Variants in VAV3 observed in about 807,000 individuals in gnomAD.
The protein encoded by VAV3 is guanine nucleotide exchange factor VAV3.
VAV3 carries 94 observed loss-of-function variants against 131.2 expected under a neutral mutation model. The ratio of observed to expected loss-of-function variants is 0.72; its 90% CI spans 0.61 to 0.85. The LOEUF (loss-of-function observed/expected upper bound fraction) is 0.85, where lower values mean the gene tolerates loss of function less well. VAV3 is among the 40% of genes least tolerant of loss of function. VAV3 has a pLI of 0.00. For synonymous variants in VAV3, 349 were observed against 342.0 expected, an observed-to-expected ratio of 1.02 and a Z score of -0.22; for missense variants, 939 against 1,002.7, an observed-to-expected ratio of 0.94 and a Z score of 0.86.
intron 2 of VAV3, among the ~76,000 whole-genome samples, chr1:107,844,458 C>A (rs573155107): frequency 1.1e-4 from 16 of 152,256 alleles, no homozygotes; most frequent in Non-Finnish European, 1.5e-4. Flanking sequence ...TCCTGGAACA[C>A]CAGCGAGACG....
intron 15 of VAV3, among the ~76,000 whole-genome samples, chr1:107,743,856 A>C (rs935523291): frequency 3.9e-5 from 6 of 152,198 alleles, no homozygotes; most frequent in African/African-American, 1.4e-4. Flanking sequence ...TAATACTTGG[A>C]AACACTGTTC....
intron 2 of VAV3, among the ~76,000 whole-genome samples, chr1:107,816,106 G>A (rs561666952): frequency 1.2e-4 from 19 of 152,266 alleles, no homozygotes; most frequent in South Asian, 2.1e-4. Flanking sequence ...TGTGTGGCCT[G>A]GTTCCTAACA....
intron 19 of VAV3, among the ~76,000 whole-genome samples, chr1:107,646,474 A>G (rs1262858468): frequency 6.6e-6 from 1 of 152,082 alleles, no homozygotes; most frequent in Non-Finnish European, 1.5e-5. Flanking sequence ...CACCATATGT[A>G]TTTGGGCAAT....
At chr1:107,910,224 A>G (rs1405025486) in intron 1 of VAV3, among the ~76,000 whole-genome samples, 1 of 152,180 alleles carries the variant, frequency 6.6e-6, no homozygotes, top group Admixed American at 6.5e-5. Flanking sequence ...CCTTACCAAT[A>G]CCCAATCTAA....
intron 19 of VAV3, among the ~76,000 whole-genome samples, chr1:107,655,244 C>T (rs1203186921): frequency 6.6e-6 from 1 of 151,978 alleles, no homozygotes. Context: ...CTATAGTAGC[C>T]AAATCAGCAT....
At chr1:107,721,868 C>G (rs1398329321) in intron 15 of VAV3, among the ~76,000 whole-genome samples, 1 of 152,176 alleles carries the variant, frequency 6.6e-6, no homozygotes, top group African/African-American at 2.4e-5. Context: ...GTGTCTTCAC[C>G]TTACAATATG....
chr1:107,935,789 G>C (rs1012478501), intron 1 of VAV3, among the ~76,000 whole-genome samples: 1 of 152,144 alleles, frequency 6.6e-6, no homozygotes, highest in Admixed American at 6.5e-5. Context: ...GTATTTTGCA[G>C]AGAAATAGGA....
chr1:107,633,406 T>C (rs192181545), intron 20 of VAV3, among the ~76,000 whole-genome samples: 45 of 152,234 alleles, frequency 3.0e-4, no homozygotes, highest in African/African-American at 1.0e-3. Flanking sequence ...CGCACCAAGA[T>C]CTTCAACATT....
chr1:107,821,408 C>T (rs910401621), intron 2 of VAV3, among the ~76,000 whole-genome samples: 4 of 152,068 alleles, frequency 2.6e-5, no homozygotes, highest in African/African-American at 9.7e-5. Flanking sequence ...TGGTGCTGGG[C>T]CAATGAAGGA....
At chr1:107,893,227 A>G (rs1671396980) in intron 1 of VAV3, among the ~76,000 whole-genome samples, 1 of 152,200 alleles carries the variant, frequency 6.6e-6, no homozygotes, top group Non-Finnish European at 1.5e-5. Context: ...AATAACATTT[A>G]AAATTATTTC....
intron 20 of VAV3, among the ~76,000 whole-genome samples, chr1:107,623,415 T>A (rs1312919831): frequency 6.6e-6 from 1 of 152,232 alleles, no homozygotes; most frequent in Non-Finnish European, 1.5e-5. Context: ...CCCATTCATG[T>A]GTTATTAAAA....
intron 25 of VAV3, among the ~76,000 whole-genome samples, chr1:107,591,834 T>C (rs1471788726): frequency 1.3e-5 from 2 of 152,148 alleles, no homozygotes; most frequent in Non-Finnish European, 2.9e-5. Context: ...TGCTAAATAC[T>C]CAGCACACGT....
intron 2 of VAV3, among the ~76,000 whole-genome samples, chr1:107,819,180 C>T (rs901995001): frequency 1.3e-5 from 2 of 152,110 alleles, no homozygotes; most frequent in African/African-American, 4.8e-5. Flanking sequence ...TCTATCTTTT[C>T]CCCTTCCAAT....
At chr1:107,731,827 T>C (rs544387091) in intron 15 of VAV3, among the ~76,000 whole-genome samples, 3 of 152,348 alleles carry the variant, frequency 2.0e-5, no homozygotes, top group South Asian at 4.1e-4. Context: ...TATGAATTTA[T>C]AAAACTGTAT....
At chr1:107,835,934 A>C (rs921841717) in intron 2 of VAV3, among the ~76,000 whole-genome samples, 4 of 152,238 alleles carry the variant, frequency 2.6e-5, no homozygotes, top group Non-Finnish European at 4.4e-5. Context: ...CCCTAAGGGA[A>C]GGGGAAGCAC....
chr1:107,955,057 G>A (rs1674741523), intron 1 of VAV3, among the ~76,000 whole-genome samples: 1 of 152,132 alleles, frequency 6.6e-6, no homozygotes, highest in Non-Finnish European at 1.5e-5. Flanking sequence ...AATCATTATA[G>A]TAAAAAATAG....
At position 107,749,073 on chromosome 1, in the gene VAV3, G is replaced by C; in HGVS notation, c.1397C>G (p.Ser466Cys). The C allele has an allele frequency of 6.3e-7, 1 of 1,586,366 alleles. No individual in the cohort carries two copies. The highest frequency in any genetic ancestry group is 8.6e-7 in the Non-Finnish European group (1 of 1,163,034). Residue 466 changes from serine to cysteine, a missense_variant, in exon 15 of 27, where the codon TCT becomes TGT. Coordinates refer to ENST00000370056, the MANE Select transcript of VAV3 (RefSeq NM_006113.5). ...GGTATGGATGAGGTAGAAGCCATAA[G>C]ACCACTGTTAAAATTAATATTCCTT... The part of the protein sequence containing the change: ...PTTDKENKKW[S>C]YGFYLIHTQG...
At position 107,749,069 on chromosome 1, in the gene VAV3, A is replaced by G. The variant is rs1338921940; in HGVS notation, c.1401T>C (p.Tyr467=). 1.9e-6 allele frequency: 3 copies of G among 1,591,882 alleles called. No homozygotes were observed. Among genetic ancestry groups the G allele is most frequent in the East Asian group, 4.5e-5 (2 of 44,678 alleles). ...TTDKENKKWS[Y]GFYLIHTQGQ... is the part of the protein sequence containing the mutation. ...CTTGGGTATGGATGAGGTAGAAGCC[A>G]TAAGACCACTGTTAAAATTAATATT... The change falls in exon 15 of 27, where the codon TAT becomes TAC. Residue 467 remains tyrosine (Y), a synonymous_variant. Transcript: ENST00000370056.
chr1:107,594,469 A>G (rs973336367), intron 25 of VAV3, among the ~76,000 whole-genome samples: 2 of 152,124 alleles, frequency 1.3e-5, no homozygotes, highest in African/African-American at 2.4e-5. Context: ...TAGTGGCTTG[A>G]TTCAAGTTGT....
Sources: gnomAD v4.1 joint callset for allele counts (sites outside exome capture counted in the v4.1 genomes callset) on GRCh38, gnomAD v4.1.1 for gene constraint, MANE v1.5 for transcripts, NCBI Gene and HGNC (gene_info 2026-07-23, HGNC 2026-07-21) for gene names.